SUGT1: variants seen among roughly 807,000 people sequenced by gnomAD.
The protein encoded by SUGT1 is protein SGT1 homolog.
Under a neutral mutation model 56.1 loss-of-function variants are expected in SUGT1, and 15 were observed. That is an observed-to-expected ratio of 0.27 (90% CI 0.18 to 0.41). The LOEUF (loss-of-function observed/expected upper bound fraction) is 0.41. SUGT1 is among the 10% of genes least tolerant of loss of function. The pLI is 1.00. For missense variants in SUGT1, 347 were observed against 382.2 expected, an observed-to-expected ratio of 0.91 and a Z score of 0.77; for synonymous variants, 123 against 128.6, an observed-to-expected ratio of 0.96 and a Z score of 0.30.
intron 10 of SUGT1, among the ~76,000 whole-genome samples, chr13:52,674,217 A>G (rs1051632116): frequency 2.0e-5 from 3 of 151,730 alleles, no homozygotes; most frequent in African/African-American, 7.3e-5. Flanking sequence ...ATGCCTGGCT[A>G]TTTTTTGTAT....
chr13:52,658,738 C>CTTTTTT (rs59712858), intron 4 of SUGT1, among the ~76,000 whole-genome samples: 1 of 127,752 alleles, frequency 7.8e-6, no homozygotes, highest in African/African-American at 3.0e-5. Flanking sequence ...TTTCACATTG[C>CTTTTTT]TTTTTTTTTT....
chr13:52,678,819 A>G (rs1176415404), intron 11 of SUGT1, among the ~76,000 whole-genome samples: 2 of 151,612 alleles, frequency 1.3e-5, no homozygotes, highest in Non-Finnish European at 2.9e-5. Flanking sequence ...CTGGTACTGC[A>G]GGCATGTGCC....
rs1231072349 is a variant in SUGT1, at chr13:52,693,926, A to G, written c.*6091A>G. 1 of 152,194 alleles carries G rather than the reference A, an allele frequency of 6.6e-6. No individual in the cohort carries two copies. Among genetic ancestry groups the G allele is most frequent in the African/African-American group, 2.4e-5 (1 of 41,460 alleles). 9.4% of individuals were successfully genotyped at this position (152,194 alleles called of 1,614,324 possible). On this transcript the variant is annotated 3_prime_UTR_variant, in exon 13 of 13. Transcript: ENST00000310528. ...CAAGACCCCCAGTACTGAATGCTGT[A>G]TGTACATTTTTTATACATGTATACT...
In SUGT1 at chr13:52,666,879, T is replaced by C; in HGVS notation, c.587T>C (p.Ile196Thr). Reference sequence around the variant, plus strand: ...TTGAAACTGGAACTTCTTCATCCTATAATACCAGAACAGAGCACGTTTAAA... The same window carrying C: ...TTGAAACTGGAACTTCTTCATCCTACAATACCAGAACAGAGCACGTTTAAA... Reference protein sequence around the residue: ...YNLKLELLHPIIPEQSTFKVL... With the variant: ...YNLKLELLHPTIPEQSTFKVL... Residue 196 changes from isoleucine to threonine, a missense_variant, in exon 10 of 13, where the codon ATA becomes ACA. Coordinates refer to ENST00000310528, the MANE Select transcript of SUGT1 (RefSeq NM_006704.5). 1 of 1,613,392 alleles carries C rather than the reference T, an allele frequency of 6.2e-7. No homozygotes were observed. Among genetic ancestry groups the C allele is most frequent in the Non-Finnish European group, 8.5e-7 (1 of 1,179,642 alleles).
chr13:52,658,596 T>C, intron 4 of SUGT1, 128 bp downstream of exon 4: 2 of 791,280 alleles, frequency 2.5e-6, no homozygotes, highest in Non-Finnish European at 3.7e-6. Context: ...AGCAGAGATA[T>C]GATTCAATTT....
intron 5 of SUGT1, among the ~76,000 whole-genome samples, chr13:52,659,816 T>TA (rs1962350522): frequency 1.6e-4 from 4 of 24,318 alleles, no homozygotes; most frequent in East Asian, 1.3e-3. Context: ...ATATATATAT[T>TA]TTTTTTTTTT....
At chr13:52,672,455 T>C (rs1163698207) in intron 10 of SUGT1, among the ~76,000 whole-genome samples, 1 of 152,198 alleles carries the variant, frequency 6.6e-6, no homozygotes, top group Non-Finnish European at 1.5e-5. Context: ...TTGCCATTTT[T>C]TTGCATTTAA....
At chr13:52,657,822 G>A (rs1031609109) in intron 3 of SUGT1, among the ~76,000 whole-genome samples, 200 bp downstream of exon 3, 3 of 152,188 alleles carry the variant, frequency 2.0e-5, no homozygotes, top group Non-Finnish European at 1.5e-5. Flanking sequence ...GGTGGAGAAT[G>A]TATACAGATT....
At chr13:52,675,077 A>G (rs1342392224) in intron 10 of SUGT1, among the ~76,000 whole-genome samples, 3 of 152,116 alleles carry the variant, frequency 2.0e-5, no homozygotes, top group Admixed American at 6.5e-5. Flanking sequence ...CAGTTAGGCC[A>G]TTCCCTATGC....
At chr13:52,662,815 C>T (rs971286121) in intron 6 of SUGT1, 113 bp downstream of exon 6, 5 of 1,117,982 alleles carry the variant, frequency 4.5e-6, no homozygotes, top group Non-Finnish European at 5.1e-6. Context: ...AAATAGTATA[C>T]GTTTCCTTAG....
Position 52,652,848 on chromosome 13 carries a change from C to T in SUGT1, c.-73C>T. ...TCGGTTGGTGTTTCTCCAGAAGTTT[C>T]CCCCTTGGGCGGTGGTGGAGGTGGT... On this transcript the variant is annotated 5_prime_UTR_variant, in exon 1 of 13. Coordinates refer to ENST00000310528, the MANE Select transcript of SUGT1 (RefSeq NM_006704.5). 6.4e-7 allele frequency: 1 copy of T among 1,570,110 alleles called. No homozygotes were observed.
At chr13:52,687,396 T>G (rs141453347) in intron 12 of SUGT1, 4,246 of 156,822 alleles carry the variant, frequency 0.027, 84 homozygotes, top group Non-Finnish European at 0.044. Flanking sequence ...TGGGAGCTAA[T>G]AATATTTTCA....
chr13:52,663,905 T>A, intron 7 of SUGT1, 130 bp from the exon 8 acceptor site: 1 of 885,030 alleles, frequency 1.1e-6, no homozygotes, highest in Non-Finnish European at 1.7e-6. Flanking sequence ...AATTTTCATG[T>A]AGTTATTTTA....
rs936835012 is a variant in SUGT1 at position 52,700,879 on chromosome 13, A to T, written c.*13044A>T. 2 of 152,230 alleles carry T rather than the reference A, an allele frequency of 1.3e-5. No homozygotes were observed. Among genetic ancestry groups the T allele is most frequent in the Non-Finnish European group, 2.9e-5 (2 of 68,028 alleles). 9.4% of individuals were successfully genotyped at this position (152,230 alleles called of 1,614,324 possible). A position where few individuals can be genotyped will look rare whatever the true frequency, so the allele number is the denominator to read the frequency against. Reference sequence around the variant, plus strand: ...TCTATTTTGTAAAAATGTAGCTTGTATTTCAGTATAATAAAATCTGATGTA... The same window carrying T: ...TCTATTTTGTAAAAATGTAGCTTGTTTTTCAGTATAATAAAATCTGATGTA... On this transcript the variant is annotated 3_prime_UTR_variant, in exon 13 of 13. Transcript: ENST00000310528.
At chr13:52,664,013 C>T (rs112815564) in intron 7 of SUGT1, 22 bp from the exon 8 acceptor site, 24,019 of 1,611,638 alleles carry the variant, frequency 0.015, 585 homozygotes, top group Admixed American at 0.11. Context: ...TTTCAACTTA[C>T]CAAAATCAAT....
intron 10 of SUGT1, among the ~76,000 whole-genome samples, chr13:52,667,733 A>G (rs183600759): frequency 8.5e-4 from 129 of 152,310 alleles, no homozygotes; most frequent in Middle Eastern, 3.4e-3. Context: ...AGATGTAGAT[A>G]ATAGTGTAAT....
chr13:52,695,722 A>T lies in SUGT1; in HGVS notation c.*7887A>T, dbSNP rs1963910492. 1 of 152,204 alleles carries T rather than the reference A, an allele frequency of 6.6e-6. No homozygotes were observed. The highest frequency in any genetic ancestry group is 2.4e-5 in the African/African-American group (1 of 41,446). 9.4% of individuals were successfully genotyped at this position (152,204 alleles called of 1,614,324 possible). A position where few individuals can be genotyped will look rare whatever the true frequency, so the allele number is the denominator to read the frequency against. On this transcript the variant is annotated 3_prime_UTR_variant, in exon 13 of 13. Transcript: ENST00000310528. ...GCTGTGTACTAAAGCTCCCAGACAC[A>T]CAAGAATCTTCTAGTCATGGTCAAA...
In SUGT1 at chr13:52,688,181, T is replaced by A. The variant is rs1265884140; in HGVS notation, c.*346T>A. 6.4e-6 allele frequency: 1 copy of A among 155,126 alleles called. No individual in the cohort carries two copies. Among genetic ancestry groups the A allele is most frequent in the Non-Finnish European group, 1.4e-5 (1 of 69,774 alleles). 9.6% of individuals were successfully genotyped at this position (155,126 alleles called of 1,614,324 possible). On this transcript the variant is annotated 3_prime_UTR_variant, in exon 13 of 13. Transcript: ENST00000310528. ...TTTGATACAGTATTCTGTCAGTAATTTATTAGACCTGGCAGCTTTGGGTGA... is the reference window on the plus strand; with the variant it reads ...TTTGATACAGTATTCTGTCAGTAATATATTAGACCTGGCAGCTTTGGGTGA...
chr13:52,662,774 C>A, intron 6 of SUGT1, 72 bp downstream of exon 6: 1 of 1,479,510 alleles, frequency 6.8e-7, no homozygotes, highest in African/African-American at 1.4e-5. Context: ...TTGGTTTAAA[C>A]AAATTTGTTT....
Sources: allele counts gnomAD v4.1 joint callset (sites outside exome capture counted in the v4.1 genomes callset), GRCh38; gene constraint gnomAD v4.1.1; transcripts MANE v1.5; gene names NCBI Gene and HGNC (gene_info 2026-07-23, HGNC 2026-07-21).